Variants in NTM observed in about 807,000 individuals in gnomAD.
The protein encoded by NTM is neurotrimin, also known as IgLON family member 2.
In NTM, 13 loss-of-function variants were observed where a neutral mutation model predicts 42.1. The observed-to-expected ratio is 0.31, with a 90% CI of 0.20 to 0.49. The LOEUF (loss-of-function observed/expected upper bound fraction) is 0.49, where lower values mean the gene tolerates loss of function less well. Among genes scored for constraint, NTM ranks in the 20% least tolerant of loss-of-function variants. NTM has a pLI of 0.99. For missense variants in NTM, 373 were observed against 452.8 expected, an observed-to-expected ratio of 0.82 and a Z score of 1.60; for synonymous variants, 187 against 179.2, an observed-to-expected ratio of 1.04 and a Z score of -0.35.
chr11:132,319,071 T>C (rs1325839638), intron 7 of NTM, among the ~76,000 whole-genome samples: 4 of 152,222 alleles, frequency 2.6e-5, no homozygotes, highest in African/African-American at 9.6e-5. Context: ...CTTACGTTTA[T>C]TGAACCTCCA....
chr11:131,436,332 T>G (rs1949129953), intron 1 of NTM, among the ~76,000 whole-genome samples: 1 of 152,216 alleles, frequency 6.6e-6, no homozygotes, highest in African/African-American at 2.4e-5. Flanking sequence ...CTTTTTCTAC[T>G]GAGTGGAATA....
intron 1 of NTM, among the ~76,000 whole-genome samples, chr11:131,490,448 T>C (rs1342354694): frequency 6.6e-6 from 1 of 152,240 alleles, no homozygotes; most frequent in African/African-American, 2.4e-5. Flanking sequence ...TCCTTGCTCA[T>C]GATTTTGCAA....
chr11:131,773,664 C>T (rs1269377157), intron 1 of NTM, among the ~76,000 whole-genome samples: 2 of 152,200 alleles, frequency 1.3e-5, no homozygotes, highest in Admixed American at 1.3e-4. Context: ...TATCTTTTAA[C>T]ATTTTCTTTT....
intron 1 of NTM, among the ~76,000 whole-genome samples, chr11:131,532,516 T>C (rs2136681797): frequency 6.6e-6 from 1 of 152,336 alleles, no homozygotes; most frequent in Non-Finnish European, 1.5e-5. Context: ...TGAATAATGC[T>C]GCTATGAGCA....
intron 4 of NTM, among the ~76,000 whole-genome samples, chr11:132,220,748 C>T (rs760373937): frequency 3.9e-5 from 6 of 152,200 alleles, no homozygotes; most frequent in Admixed American, 6.5e-5. Context: ...TACTTGGTGA[C>T]CGTTACCATG....
chr11:132,327,667 T>A (rs149668405), intron 7 of NTM, among the ~76,000 whole-genome samples: 10 of 152,310 alleles, frequency 6.6e-5, no homozygotes, highest in Non-Finnish European at 1.5e-4. Flanking sequence ...AAACTGGCTT[T>A]GCTGGCAAAA....
chr11:132,017,332 C>A (rs2846323), intron 2 of NTM, among the ~76,000 whole-genome samples: 9 of 151,610 alleles, frequency 5.9e-5, no homozygotes, highest in Non-Finnish European at 1.2e-4. Flanking sequence ...AAAGGGTCTA[C>A]GCTCATTTTA....
intron 1 of NTM, among the ~76,000 whole-genome samples, chr11:131,447,601 T>C (rs1047912561): frequency 6.6e-6 from 1 of 151,926 alleles, no homozygotes; most frequent in African/African-American, 2.4e-5. Flanking sequence ...ATAAATATGG[T>C]TTGTTTGTAT....
chr11:131,877,439 G>A (rs992950864), intron 1 of NTM, among the ~76,000 whole-genome samples: 1 of 152,170 alleles, frequency 6.6e-6, no homozygotes, highest in Non-Finnish European at 1.5e-5. Context: ...AGAATTCTTA[G>A]GAAGAGTCTC....
chr11:132,134,163 T>G lies in NTM; in HGVS notation c.168-12119T>G, dbSNP rs899063759. Among the ~76,000 whole-genome samples the G allele has an allele frequency of 4.5e-4, 68 of 152,100 alleles. 2 individuals carry two copies. The highest frequency in any genetic ancestry group is 1.8e-4 in the Non-Finnish European group (12 of 68,016). The stretch of plus-strand genomic sequence containing the variant: ...GTCTTGAACTCCTAGGCTCCAGCCA[T>G]CCTCCCACCTTAGCTTCTCAAAATG... On this transcript the variant is annotated intron_variant, in intron 2 of 8. Coordinates refer to ENST00000683400, the MANE Select transcript of NTM (RefSeq NM_001352005.2).
rs2070358578 is a variant in NTM, at chr11:132,146,124, T to A, written c.168-158T>A. The A allele has an allele frequency of 1.5e-6, 1 of 659,134 alleles. No homozygotes were observed. The highest frequency in any genetic ancestry group is 1.9e-6 in the Non-Finnish European group (1 of 531,920). The allele number at this position is 659,134 out of a possible 1,614,324, so 40.8% of individuals were successfully genotyped here. A position where few individuals can be genotyped will look rare whatever the true frequency, so the allele number is the denominator to read the frequency against. ...GGCTGTAATCCCATAAGACCTTTGC[T>A]GTGTTCCAGAAAAGTCCACCCCTGA... is the stretch of plus-strand genomic sequence containing the variant. On this transcript the variant is annotated intron_variant, in intron 2 of 8. Transcript: ENST00000683400. This position sits in a 1 kb window ranked among gnomAD's most constrained non-coding sequence, Gnocchi z 4.5.
intron 1 of NTM, among the ~76,000 whole-genome samples, chr11:131,656,435 G>A (rs2067195684): frequency 6.6e-6 from 1 of 152,246 alleles, no homozygotes; most frequent in Non-Finnish European, 1.5e-5. Flanking sequence ...GGGCTGTGAG[G>A]AGGCACTTCT....
At chr11:132,049,871 G>C (rs939277047) in intron 2 of NTM, among the ~76,000 whole-genome samples, 1 of 152,146 alleles carries the variant, frequency 6.6e-6, no homozygotes, top group Non-Finnish European at 1.5e-5. Context: ...ACTTTCTAGG[G>C]AAAACTGATG....
At position 132,184,667 on chromosome 11, in the gene NTM, T is replaced by C. The variant is rs1167924119; in HGVS notation, c.401-27355T>C. The stretch of plus-strand genomic sequence containing the variant: ...GAAAGACCAGAGAAAGACTAGGATT[T>C]GGGCCACAAAGCTTCAAAACTGCAT... On this transcript the variant is annotated intron_variant, in intron 3 of 8. Transcript: ENST00000683400. Among the ~76,000 whole-genome samples, 3 of 152,206 alleles carry C rather than the reference T, an allele frequency of 2.0e-5. No homozygotes were observed. In the East Asian group the frequency reaches 5.8e-4, roughly 29 times the overall value.
chr11:131,881,477 T>TACACAC (rs34722610), intron 1 of NTM, among the ~76,000 whole-genome samples: 1,495 of 104,688 alleles, frequency 0.014, 31 homozygotes, highest in African/African-American at 0.04. Context: ...AGCTCTCAGT[T>TACACAC]ACACACACAC....
At chr11:131,794,616 A>G in intron 1 of NTM, 1 of 938,582 alleles carries the variant, frequency 1.1e-6, no homozygotes, top group Admixed American at 8.4e-5. Context: ...TAAGTGCTGG[A>G]TGAGTGTTGA....
chr11:131,393,758 G>T (rs1309939783), intron 1 of NTM, among the ~76,000 whole-genome samples: 1 of 152,192 alleles, frequency 6.6e-6, no homozygotes, highest in Non-Finnish European at 1.5e-5. Context: ...CTTTTCTCTA[G>T]TGGCATGTGC....
At chr11:132,104,080 G>A (rs185658411) in intron 2 of NTM, among the ~76,000 whole-genome samples, 53 of 152,254 alleles carry the variant, frequency 3.5e-4, no homozygotes, top group African/African-American at 1.2e-3. Flanking sequence ...TGTGTTTTTC[G>A]TTGTTGTTGT....
chr11:131,397,969 T>G (rs2135652526), intron 1 of NTM, among the ~76,000 whole-genome samples: 1 of 152,322 alleles, frequency 6.6e-6, no homozygotes, highest in South Asian at 2.1e-4. Flanking sequence ...GAGGACTGCA[T>G]GTCAAAAAGC....
Sources: gnomAD v4.1 joint callset for allele counts (sites outside exome capture counted in the v4.1 genomes callset) on GRCh38, gnomAD v4.1.1 for gene constraint, Gnocchi (gnomAD v3.1) non-coding constraint, MANE v1.5 for transcripts, NCBI Gene and HGNC (gene_info 2026-07-23, HGNC 2026-07-21) for gene names.